The following ABCA9 variants were observed in gnomAD, a reference collection of about 807,000 sequenced individuals.
ABCA9 encodes the protein ATP binding cassette subfamily A member 9, also known as ATP-binding cassette sub-family A member 9.
A neutral mutation model predicts 205.3 loss-of-function variants in ABCA9; 183 were observed. The observed-to-expected ratio is 0.89, with a 90% CI of 0.79 to 1.01. ABCA9 has a LOEUF of 1.01. ABCA9 is among the 50% of genes least tolerant of loss of function. ABCA9 has a pLI of 0.00. For missense variants in ABCA9, 1,805 were observed against 1,912.4 expected, an observed-to-expected ratio of 0.94 and a Z score of 1.05; for synonymous variants, 651 against 683.3, an observed-to-expected ratio of 0.95 and a Z score of 0.74.
rs375368296 is a variant in ABCA9 at position 69,046,952 on chromosome 17, T to TAA, written c.305-1618_305-1617dup. On this transcript the variant is annotated intron_variant, in intron 3 of 38. Coordinates refer to ENST00000340001, the MANE Select transcript of ABCA9 (RefSeq NM_080283.4). ...ATAGAAAATTTTATATATATATATA[T>TAA]AATTGTTGTTTGTTGGTTTGTGTTT... 2.2e-3 allele frequency among the ~76,000 whole-genome samples: 305 copies of TAA among 136,744 alleles called. 3 individuals carry two copies. The highest frequency in any genetic ancestry group is 7.5e-3 in the African/African-American group (293 of 39,304). 89.7% of individuals were successfully genotyped at this position (136,744 alleles called of 152,430 possible). A position where few individuals can be genotyped will look rare whatever the true frequency, so the allele number is the denominator to read the frequency against.
At chr17:69,002,665 G>A (rs2069929306) in intron 25 of ABCA9, among the ~76,000 whole-genome samples, 1 of 150,376 alleles carries the variant, frequency 6.6e-6, no homozygotes, top group African/African-American at 2.4e-5. Flanking sequence ...CAATTCCTGG[G>A]TATCCTTGTT....
the ABCA9 span, among the ~76,000 whole-genome samples, chr17:69,067,544 A>G: frequency 6.6e-6 from 1 of 150,648 alleles, no homozygotes; most frequent in Non-Finnish European, 1.5e-5. Flanking sequence ...CAACAGAGTA[A>G]GCAGAGTGAG....
At chr17:68,994,739 C>G (rs529959413) in intron 26 of ABCA9, among the ~76,000 whole-genome samples, 19 of 152,162 alleles carry the variant, frequency 1.2e-4, no homozygotes, top group Non-Finnish European at 2.5e-4. Flanking sequence ...TCATATTAAG[C>G]ATGTGGAATG....
chr17:69,040,044 A>T (rs1368528489), intron 6 of ABCA9, among the ~76,000 whole-genome samples: 1 of 152,250 alleles, frequency 6.6e-6, no homozygotes, highest in African/African-American at 2.4e-5. Flanking sequence ...ATCATTAAAA[A>T]GTCAGGAAAC....
chr17:69,067,008 T>A, the ABCA9 span, among the ~76,000 whole-genome samples: 1 of 152,108 alleles, frequency 6.6e-6, no homozygotes, highest in African/African-American at 2.4e-5. Flanking sequence ...TTGAAACTGA[T>A]AAATAGTGAG....
chr17:69,043,545 T>A lies in ABCA9; in HGVS notation c.744A>T (p.Glu248Asp). The A allele has an allele frequency of 6.2e-7, 1 of 1,611,068 alleles. No homozygotes were observed. The highest frequency in any genetic ancestry group is 8.5e-7 in the Non-Finnish European group (1 of 1,178,856). Residue 248 changes from glutamate (E) to aspartate (D), a missense_variant, in exon 6 of 39, where the codon GAA becomes GAT. Glu to Asp is a conservative substitution (Grantham distance 45, BLOSUM62 2). Transcript: ENST00000340001. ...IYYVSVNVTQ[E>D]RQYITSLMTM... ...TCATCAATGACGTAATGTATTGTCT[T>A]TCTTGTGTAACATTGACTGATACAT...
chr17:69,013,582 A>C (rs1428202816), intron 22 of ABCA9, among the ~76,000 whole-genome samples: 1 of 152,082 alleles, frequency 6.6e-6, no homozygotes, highest in Non-Finnish European at 1.5e-5. Context: ...CAGCTTCCTT[A>C]CTCATGACTG....
At chr17:69,031,006 G>A (rs148201249) in intron 10 of ABCA9, among the ~76,000 whole-genome samples, 2 of 152,134 alleles carry the variant, frequency 1.3e-5, no homozygotes, top group Non-Finnish European at 2.9e-5. Context: ...AATGACGCAG[G>A]ACTGGCAGTC....
chr17:69,002,517 C>T (rs1228104140), intron 25 of ABCA9, among the ~76,000 whole-genome samples: 2 of 150,222 alleles, frequency 1.3e-5, no homozygotes, highest in African/African-American at 4.9e-5. Context: ...TTTACATTTG[C>T]TGAGGAGAGC....
intron 1 of ABCA9, among the ~76,000 whole-genome samples, chr17:69,057,548 T>C (rs972487283): frequency 1.3e-5 from 2 of 151,344 alleles, no homozygotes; most frequent in Admixed American, 6.6e-5. Flanking sequence ...GAAGTCTTTA[T>C]AGAATTGTTT....
Position 69,017,909 on chromosome 17 carries a change from T to C in ABCA9, c.2768-120A>G, listed in dbSNP as rs946030006. 4 of 1,125,058 alleles carry C rather than the reference T, an allele frequency of 3.6e-6. No individual in the cohort carries two copies. In the Admixed American group the frequency reaches 9.4e-5, roughly 27 times the overall value. 69.7% of individuals were successfully genotyped at this position (1,125,058 alleles called of 1,614,324 possible). A position where few individuals can be genotyped will look rare whatever the true frequency, so the allele number is the denominator to read the frequency against. On this transcript the variant is annotated intron_variant, in intron 20 of 38. Transcript: ENST00000340001. The stretch of plus-strand genomic sequence containing the variant: ...CAAAAGGACTGTCTAAGGCTTTTCT[T>C]AAAAAAGCAGAATTGATGTTCTGGT...
chr17:69,045,304 T>A lies in ABCA9; in HGVS notation c.337A>T (p.Ser113Cys), dbSNP rs773242838. ...TAGTTCAAATCCAATTCATCCATGC[T>A]TTTTTCATCAGGCCACCCCATGATT... ...RTIMGWPDEK[S>C]MDELDLNYSI... Residue 113 changes from serine (S) to cysteine (C), a missense_variant, in exon 4 of 39, where the codon AGC (serine) becomes TGC (cysteine). Physicochemically the swap from Ser to Cys is moderately radical, Grantham distance 112. Transcript: ENST00000340001. The A allele has an allele frequency of 1.1e-5, 17 of 1,612,314 alleles. No homozygotes were observed. The highest frequency in any genetic ancestry group is 1.4e-5 in the Non-Finnish European group (16 of 1,179,120).
Position 68,982,656 on chromosome 17 carries a change from CAG to C in ABCA9, c.4641-17_4641-16del. On this transcript the variant is annotated splice_polypyrimidine_tract_variant and intron_variant, in intron 36 of 38. Coordinates refer to ENST00000340001, the MANE Select transcript of ABCA9 (RefSeq NM_080283.4). ...GGGAGGAGAACCTGCGAAGAGAAGA[CAG>C]TGAGGCTGAACTCCAGGTGTCAAGG... 6.2e-7 allele frequency: 1 copy of C among 1,609,264 alleles called. No individual in the cohort carries two copies. Among genetic ancestry groups the C allele is most frequent in the Non-Finnish European group, 8.5e-7 (1 of 1,175,742 alleles).
At chr17:69,005,009 G>A (rs1185831182) in intron 25 of ABCA9, among the ~76,000 whole-genome samples, 1 of 152,144 alleles carries the variant, frequency 6.6e-6, no homozygotes, top group Non-Finnish European at 1.5e-5. Flanking sequence ...CCACTGACCT[G>A]CGCCCACTGT....
At chr17:69,026,544 CAATG>C in intron 15 of ABCA9, 77 bp from the exon 16 acceptor site, 1 of 1,268,576 alleles carries the variant, frequency 7.9e-7, no homozygotes, top group Non-Finnish European at 1.1e-6. Context: ...AATCTATTAA[CAATG>C]TATTGTAGCA....
Position 69,026,997 on chromosome 17 carries a change from C to G in ABCA9, c.2029G>C (p.Asp677His), listed in dbSNP as rs1420521649. 20 of 1,613,954 alleles carry G rather than the reference C, an allele frequency of 1.2e-5. No individual in the cohort carries two copies. The highest frequency in any genetic ancestry group is 1.7e-5 in the Admixed American group (1 of 59,988). ...RVILFSTQFIDEADILADRKV... is the reference protein window; with the variant it reads ...RVILFSTQFIHEADILADRKV... ...TTACCCGCCAGAATGTCAGCCTCATCTATAAACTGGGTGCTGAAGAGAATT... is the reference window on the plus strand; with the variant it reads ...TTACCCGCCAGAATGTCAGCCTCATGTATAAACTGGGTGCTGAAGAGAATT... Residue 677 changes from aspartate (D) to histidine (H), a missense_variant, in exon 15 of 39, where the codon GAT becomes CAT. Transcript: ENST00000340001.
At chr17:69,040,719 G>C (rs1043807250) in intron 6 of ABCA9, among the ~76,000 whole-genome samples, 2 of 151,522 alleles carry the variant, frequency 1.3e-5, no homozygotes, top group Non-Finnish European at 3.0e-5. Flanking sequence ...CTTAAAGTAT[G>C]ATAAAAAATG....
chr17:68,984,300 G>A (rs894462209), intron 34 of ABCA9, 125 bp from the exon 35 acceptor site: 2 of 1,333,866 alleles, frequency 1.5e-6, no homozygotes, highest in East Asian at 2.3e-5. Flanking sequence ...CAAAAAAGGG[G>A]TGTGTGTAGG....
chr17:69,041,729 T>TTATC (rs4020779), intron 6 of ABCA9, among the ~76,000 whole-genome samples: 3,168 of 149,412 alleles, frequency 0.021, 67 homozygotes, highest in African/African-American at 0.05. Flanking sequence ...AAGAAAGAAA[T>TTATC]TATCTATCTA....
Sources: gnomAD v4.1 joint callset for allele counts (sites outside exome capture counted in the v4.1 genomes callset) on GRCh38, gnomAD v4.1.1 for gene constraint, MANE v1.5 for transcripts, NCBI Gene and HGNC (gene_info 2026-07-23, HGNC 2026-07-21) for gene names.